The following EYS variants were observed in gnomAD, a reference collection of about 807,000 sequenced individuals.
EYS encodes EGF-like photoreceptor maintenance factor.
In EYS, 250 loss-of-function variants were observed where a neutral mutation model predicts 282.1. That is an observed-to-expected ratio of 0.89 (90% confidence interval 0.80 to 0.98). The LOEUF (loss-of-function observed/expected upper bound fraction) is 0.98. EYS is among the 50% of genes least tolerant of loss of function. The pLI, the probability that EYS is intolerant of heterozygous loss-of-function variation, is 0.00. For missense variants in EYS, 4,016 were observed against 3,709.0 expected (o/e 1.08, Z -2.15); for synonymous variants, 1,355 against 1,282.9 (o/e 1.06, Z -1.20).
intron 8 of EYS, among the ~76,000 whole-genome samples, chr6:65,362,674 T>G (rs1764758731): frequency 6.6e-6 from 1 of 151,922 alleles, no homozygotes; most frequent in Non-Finnish European, 1.5e-5. Context: ...GCTTAAAGAT[T>G]TTCTTCTTAG....
Position 63,788,132 on chromosome 6 carries a change from C to G in EYS, c.7696G>C (p.Gly2566Arg). The G allele has an allele frequency of 6.5e-7, 1 of 1,542,610 alleles. No homozygotes were observed. The highest frequency in any genetic ancestry group is 8.7e-7 in the Non-Finnish European group (1 of 1,144,426). Reference sequence around the variant, plus strand: ...TGAAAACCATTTTTAAAATCTGCTCCATTTGGTAAGAGATCTGGAGTGTAT... The same window carrying G: ...TGAAAACCATTTTTAAAATCTGCTCGATTTGGTAAGAGATCTGGAGTGTAT... ...SEYTPDLLPN[G>R]ADFKNGFQGC... Residue 2566 changes from glycine to arginine, a missense_variant, in exon 39 of 43, where the codon GGA (glycine) becomes CGA (arginine). By Grantham distance (125) the Gly-to-Arg change is moderately radical (BLOSUM62 -2). Coordinates refer to ENST00000503581, the MANE Select transcript of EYS (RefSeq NM_001142800.2).
At chr6:65,613,103 T>A (rs1242236921) in intron 2 of EYS, among the ~76,000 whole-genome samples, 1 of 151,858 alleles carries the variant, frequency 6.6e-6, no homozygotes, top group Non-Finnish European at 1.5e-5. Context: ...TTGCTTCAAC[T>A]ATTTCCATTG....
intron 19 of EYS, among the ~76,000 whole-genome samples, chr6:64,853,637 C>T (rs1052434078): frequency 3.3e-5 from 5 of 152,114 alleles, no homozygotes; most frequent in Admixed American, 2.6e-4. Flanking sequence ...GTATTGGTAA[C>T]GCCGTTGTTA....
chr6:64,648,230 C>G (rs909439634), intron 22 of EYS, among the ~76,000 whole-genome samples: 14 of 152,136 alleles, frequency 9.2e-5, no homozygotes, highest in Admixed American at 2.0e-4. Context: ...GCTCCTTGCC[C>G]TCCCCCTGGT....
chr6:65,163,004 C>T (rs1197386287), intron 12 of EYS, among the ~76,000 whole-genome samples: 1 of 150,752 alleles, frequency 6.6e-6, no homozygotes, highest in Non-Finnish European at 1.5e-5. Flanking sequence ...TTCATGTTAT[C>T]AGAAATCTAA....
At chr6:65,263,889 G>A (rs1457193520) in intron 12 of EYS, among the ~76,000 whole-genome samples, 1 of 151,856 alleles carries the variant, frequency 6.6e-6, no homozygotes, top group East Asian at 1.9e-4. Context: ...TCCAGCGTGG[G>A]CAACACAGTA....
At chr6:64,141,322 C>T (rs1774330643) in intron 31 of EYS, among the ~76,000 whole-genome samples, 1 of 152,186 alleles carries the variant, frequency 6.6e-6, no homozygotes, top group East Asian at 1.9e-4. Context: ...AGGCTTTTGT[C>T]CTGGCAGGAA....
In EYS at chr6:64,459,013, G is replaced by C. The variant is rs1240778458; in HGVS notation, c.5645-19661C>G. On this transcript the variant is annotated intron_variant, in intron 26 of 42. Coordinates refer to ENST00000503581, the MANE Select transcript of EYS (RefSeq NM_001142800.2). The stretch of plus-strand genomic sequence containing the variant: ...TCCTTATACGAATTCCACATTGAGA[G>C]AGTGGTGTAACAATTAGTATTAGTG... Among the ~76,000 whole-genome samples the C allele has an allele frequency of 1.3e-5, 2 of 152,168 alleles. 1 individual carries two copies. The highest frequency in any genetic ancestry group is 4.8e-5 in the African/African-American group (2 of 41,456).
At chr6:65,545,641 TAAA>T (rs1463621847) in intron 2 of EYS, among the ~76,000 whole-genome samples, 39 of 152,232 alleles carry the variant, frequency 2.6e-4, no homozygotes, top group African/African-American at 8.7e-4. Flanking sequence ...TGTAAACTGA[TAAA>T]GAAGTATCAA....
chr6:64,205,848 T>C (rs548781641), intron 31 of EYS, among the ~76,000 whole-genome samples: 85 of 143,062 alleles, frequency 5.9e-4, no homozygotes, highest in African/African-American at 1.6e-3. Flanking sequence ...CACACACATA[T>C]ATATATATAG....
At chr6:64,297,776 G>C (rs965777121) in intron 30 of EYS, among the ~76,000 whole-genome samples, 3 of 152,052 alleles carry the variant, frequency 2.0e-5, no homozygotes, top group Admixed American at 6.6e-5. Flanking sequence ...TCAGGTGCTT[G>C]AGACTAGCCT....
intron 12 of EYS, among the ~76,000 whole-genome samples, chr6:65,103,742 C>T (rs74726921): frequency 0.058 from 8,816 of 151,418 alleles, 761 homozygotes; most frequent in African/African-American, 0.19. Context: ...GCAGTAAAAA[C>T]GCATTATAAG....
rs565046666 is a variant in EYS at position 65,384,506 on chromosome 6, A to C, written c.1185-6T>G. 4.4e-6 allele frequency: 6 copies of C among 1,350,116 alleles called. No individual in the cohort carries two copies. The highest frequency in any genetic ancestry group is 3.5e-5 in the South Asian group (3 of 85,722). The allele number at this position is 1,350,116 out of a possible 1,614,324, so 83.6% of individuals were successfully genotyped here. The stretch of plus-strand genomic sequence containing the variant: ...CAGTAAATCCTGATATACAGCTGTA[A>C]ATACATCAGTGTAAATTAGAAAAAT... On this transcript the variant is annotated splice_polypyrimidine_tract_variant and splice_region_variant and intron_variant, in intron 7 of 42. Coordinates refer to ENST00000503581, the MANE Select transcript of EYS (RefSeq NM_001142800.2).
intron 19 of EYS, among the ~76,000 whole-genome samples, chr6:64,837,938 C>T (rs2150032702): frequency 6.6e-6 from 1 of 151,642 alleles, no homozygotes; most frequent in Non-Finnish European, 1.5e-5. Context: ...CACTAAAAGT[C>T]TAGACTTCAC....
chr6:65,232,446 A>G (rs756197628), intron 12 of EYS, among the ~76,000 whole-genome samples: 3 of 152,046 alleles, frequency 2.0e-5, no homozygotes, highest in Non-Finnish European at 2.9e-5. Flanking sequence ...AAAATTCTTA[A>G]AGTCCAAATT....
intron 29 of EYS, among the ~76,000 whole-genome samples, chr6:64,358,352 C>A (rs1771898737): frequency 6.6e-6 from 1 of 151,564 alleles, no homozygotes; most frequent in Non-Finnish European, 1.5e-5. Flanking sequence ...ACTTGGTGGA[C>A]AATATAGTGT....
At chr6:65,486,612 A>G (rs1194591132) in intron 5 of EYS, among the ~76,000 whole-genome samples, 1 of 152,182 alleles carries the variant, frequency 6.6e-6, no homozygotes, top group Non-Finnish European at 1.5e-5. Context: ...TAAGATTTTA[A>G]ATATTATAAC....
intron 26 of EYS, among the ~76,000 whole-genome samples, chr6:64,457,553 C>T (rs746564720): frequency 3.9e-5 from 6 of 151,978 alleles, no homozygotes; most frequent in Non-Finnish European, 7.4e-5. Flanking sequence ...CTGATGCTTG[C>T]TGCATATATT....
At chr6:64,697,682 G>A (rs576392526) in intron 22 of EYS, among the ~76,000 whole-genome samples, 1 of 152,146 alleles carries the variant, frequency 6.6e-6, no homozygotes, top group Non-Finnish European at 1.5e-5. Context: ...GGTGGCTCAT[G>A]CCTGTAATCC....
Sources: gnomAD v4.1 joint callset for allele counts (sites outside exome capture counted in the v4.1 genomes callset) on GRCh38, gnomAD v4.1.1 for gene constraint, MANE v1.5 for transcripts, NCBI Gene and HGNC (gene_info 2026-07-23, HGNC 2026-07-21) for gene names.